VASH2: variants seen among roughly 807,000 people sequenced by gnomAD.
VASH2 encodes the protein tubulinyl-Tyr carboxypeptidase 2.
Under a neutral mutation model 37.2 loss-of-function variants are expected in VASH2, and 28 were observed. The ratio of observed to expected loss-of-function variants is 0.75; its 90% CI spans 0.56 to 1.03. VASH2 has a LOEUF of 1.03. VASH2 is among the 50% of genes least tolerant of loss of function. The probability of loss-of-function intolerance (pLI) is 0.00; values close to 1 mark genes in which losing one functional copy is unlikely to be tolerated. For synonymous variants in VASH2, 188 were observed against 174.7 expected (o/e 1.08, Z -0.60); for missense variants, 419 against 459.1 (o/e 0.91, Z 0.80).
chr1:212,964,539 A>C (rs1455035038), intron 3 of VASH2, among the ~76,000 whole-genome samples: 2 of 151,970 alleles, frequency 1.3e-5, no homozygotes, highest in Admixed American at 1.3e-4. Flanking sequence ...GCATCAGGGA[A>C]CTCTCCATCT....
chr1:212,965,955 G>T, intron 4 of VASH2, 177 bp downstream of exon 4: 1 of 633,896 alleles, frequency 1.6e-6, no homozygotes, highest in Non-Finnish European at 2.7e-6. Context: ...GAGCAACTCT[G>T]ACAGTGGAGC....
At chr1:212,973,426 C>T (rs2102646206) in intron 6 of VASH2, 5 of 1,291,324 alleles carry the variant, frequency 3.9e-6, no homozygotes, top group East Asian at 5.5e-5. Flanking sequence ...CCCTCCAGGG[C>T]TTGTGCAGTC....
At chr1:212,956,519 T>C (rs1666501204) in intron 2 of VASH2, among the ~76,000 whole-genome samples, 4 of 152,128 alleles carry the variant, frequency 2.6e-5, no homozygotes, top group Admixed American at 2.6e-4. Flanking sequence ...AAGTTGGAGT[T>C]TCAGGTAGTA....
chr1:212,954,903 C>G (rs907024236), intron 2 of VASH2, among the ~76,000 whole-genome samples: 1 of 152,212 alleles, frequency 6.6e-6, no homozygotes, highest in African/African-American at 2.4e-5. Context: ...TTCTCTATCC[C>G]CAGTCCTATC....
At chr1:212,967,488 C>G (rs942058265) in intron 5 of VASH2, 12 of 1,140,536 alleles carry the variant, frequency 1.1e-5, no homozygotes, top group South Asian at 5.7e-5. Context: ...TGGTCCCAGG[C>G]AAGATCAGTT....
At chr1:212,957,897 G>A (rs1666546460) in intron 2 of VASH2, among the ~76,000 whole-genome samples, 2 of 152,140 alleles carry the variant, frequency 1.3e-5, no homozygotes, top group African/African-American at 4.8e-5. Context: ...ACGGCACCTG[G>A]CCAACACAGC....
At chr1:212,961,894 G>A (rs1666691015) in intron 3 of VASH2, among the ~76,000 whole-genome samples, 2 of 152,116 alleles carry the variant, frequency 1.3e-5, no homozygotes. Context: ...GTCACCACAC[G>A]GAGCCCTCCA....
intron 7 of VASH2, among the ~76,000 whole-genome samples, chr1:212,988,215 T>G (rs2102667285): frequency 6.6e-6 from 1 of 152,206 alleles, no homozygotes; most frequent in South Asian, 2.1e-4. Context: ...GAGTACTGGG[T>G]TTCAAAAGCT....
intron 3 of VASH2, among the ~76,000 whole-genome samples, chr1:212,963,297 A>T (rs1666732963): frequency 6.6e-6 from 1 of 152,182 alleles, no homozygotes; most frequent in African/African-American, 2.4e-5. Context: ...GAAGGGAAGC[A>T]CCAGCAGGCT....
At chr1:212,978,575 T>A (rs1379680124) in intron 7 of VASH2, among the ~76,000 whole-genome samples, 1 of 152,008 alleles carries the variant, frequency 6.6e-6, no homozygotes, top group African/African-American at 2.4e-5. Context: ...AGGTGAAGAG[T>A]GATTGCCACC....
intron 7 of VASH2, among the ~76,000 whole-genome samples, chr1:212,987,561 C>T (rs112594483): frequency 0.023 from 3,467 of 152,054 alleles, 120 homozygotes; most frequent in African/African-American, 0.076. Context: ...GCAACAAGGG[C>T]GAAACTCCGT....
At chr1:212,986,560 A>G (rs1350250053) in intron 7 of VASH2, among the ~76,000 whole-genome samples, 1 of 151,756 alleles carries the variant, frequency 6.6e-6, no homozygotes, top group African/African-American at 2.4e-5. Context: ...TGAATCCCCA[A>G]GCAAACATGT....
rs1433627717 is a variant in VASH2 at position 212,971,491 on chromosome 1, G to A, written c.498-1089G>A. On this transcript the variant is annotated intron_variant, in intron 5 of 7. Coordinates refer to ENST00000517399, the MANE Select transcript of VASH2 (RefSeq NM_001301056.2). The surrounding 1 kb of genome is among the most constrained non-coding windows in gnomAD (Gnocchi z 4.0). ...CTGTCGGGCACAGCAGACACTCAGG[G>A]TAAGTGTTTGTCACACTGACTTAAG... Among the ~76,000 whole-genome samples, 1 of 152,156 alleles carries A rather than the reference G, an allele frequency of 6.6e-6. No individual in the cohort carries two copies. Among genetic ancestry groups the A allele is most frequent in the East Asian group, 1.9e-4 (1 of 5,196 alleles).
chr1:212,964,630 G>C (rs746160637), intron 3 of VASH2, among the ~76,000 whole-genome samples: 2 of 152,122 alleles, frequency 1.3e-5, no homozygotes, highest in Admixed American at 6.6e-5. Context: ...GTGAATAATG[G>C]TGCAGCTTCT....
intron 7 of VASH2, among the ~76,000 whole-genome samples, chr1:212,984,166 TAAGAA>T (rs1667411553): frequency 6.6e-6 from 1 of 152,178 alleles, no homozygotes; most frequent in South Asian, 2.1e-4. Flanking sequence ...GGGAAAAGAC[TAAGAA>T]AAGGAGTTCA....
intron 7 of VASH2, among the ~76,000 whole-genome samples, chr1:212,984,750 G>A (rs1667430557): frequency 6.6e-6 from 1 of 152,204 alleles, no homozygotes; most frequent in African/African-American, 2.4e-5. Context: ...CACATGCACT[G>A]CTTAATTTTC....
chr1:212,983,096 T>C (rs974037472), intron 7 of VASH2, among the ~76,000 whole-genome samples: 1 of 152,226 alleles, frequency 6.6e-6, no homozygotes, highest in Non-Finnish European at 1.5e-5. Flanking sequence ...ATTTACATGT[T>C]AGTGAGAATT....
At chr1:212,954,778 T>TCACGCGAAAAC (rs1666432023) in intron 2 of VASH2, among the ~76,000 whole-genome samples, 2 of 152,144 alleles carry the variant, frequency 1.3e-5, no homozygotes, top group Admixed American at 1.3e-4. Flanking sequence ...AACTAGAAGG[T>TCACGCGAAAAC]TACGCGAAAA....
At chr1:212,967,136 C>T (rs2102636721) in intron 5 of VASH2, 1 of 1,304,546 alleles carries the variant, frequency 7.7e-7, no homozygotes, top group Non-Finnish European at 1.0e-6. Context: ...AAACAAGGGT[C>T]TAGCTTCTCC....
Sources: allele counts gnomAD v4.1 joint callset (sites outside exome capture counted in the v4.1 genomes callset), GRCh38; gene constraint gnomAD v4.1.1; non-coding constraint Gnocchi (gnomAD v3.1); transcripts MANE v1.5; gene names NCBI Gene and HGNC (gene_info 2026-07-23, HGNC 2026-07-21).